Variants in MSH5 observed in about 807,000 individuals in gnomAD.
MSH5 encodes the protein mutS protein homolog 5.
In MSH5, 78 loss-of-function variants were observed where a neutral mutation model predicts 107.7. The observed-to-expected ratio is 0.72, with a 90% CI of 0.60 to 0.87. The LOEUF is 0.87. Among genes scored for constraint, MSH5 ranks in the 40% least tolerant of loss-of-function variants. MSH5 has a pLI of 0.00. For missense variants in MSH5, 889 were observed against 1,046.6 expected, an observed-to-expected ratio of 0.85 and a Z score of 2.08; for synonymous variants, 326 against 399.5, an observed-to-expected ratio of 0.82 and a Z score of 2.19.
intron 3 of MSH5, among the ~76,000 whole-genome samples, chr6:31,742,115 C>T (rs764611158): frequency 5.3e-5 from 8 of 152,180 alleles, no homozygotes; most frequent in Non-Finnish European, 8.8e-5. Context: ...AATTTCAACA[C>T]GATATTTGGC....
chr6:31,746,729 G>T (rs542614482), intron 9 of MSH5, among the ~76,000 whole-genome samples: 1 of 152,138 alleles, frequency 6.6e-6, no homozygotes, highest in East Asian at 1.9e-4. Flanking sequence ...GGGATTATAG[G>T]CATGAGCCAC....
At chr6:31,749,431 A>G (rs1428788472) in intron 10 of MSH5, among the ~76,000 whole-genome samples, 4 of 151,968 alleles carry the variant, frequency 2.6e-5, no homozygotes, top group African/African-American at 9.7e-5. Context: ...AGTACCAGCT[A>G]CTCAGGAGGC....
chr6:31,758,316 T>C lies in MSH5; in HGVS notation c.1143+23T>C. The C allele has an allele frequency of 6.2e-7, 1 of 1,610,936 alleles. No homozygotes were observed. Among genetic ancestry groups the C allele is most frequent in the Non-Finnish European group, 8.5e-7 (1 of 1,178,890 alleles). ...GTAGTGAGTAGAAGGAAAAAGGGAG[T>C]GCACCCAGGGAGGTCAGGGAGAGAG... On this transcript the variant is annotated intron_variant, in intron 13 of 24. Transcript: ENST00000375750. This position sits in a 1 kb window ranked among gnomAD's most constrained non-coding sequence, Gnocchi z 5.1.
Position 31,759,064 on chromosome 6 carries a change from G to A in MSH5, c.1327-33G>A. The A allele has an allele frequency of 6.3e-7, 1 of 1,583,594 alleles. No individual in the cohort carries two copies. The highest frequency in any genetic ancestry group is 8.7e-7 in the Non-Finnish European group (1 of 1,153,326). On this transcript the variant is annotated intron_variant, in intron 15 of 24. Coordinates refer to ENST00000375750, the MANE Select transcript of MSH5 (RefSeq NM_172166.4). The surrounding 1 kb of genome is among the most constrained non-coding windows in gnomAD (Gnocchi z 4.7). The stretch of plus-strand genomic sequence containing the variant: ...AGGTGTCCAGTAAGTCTCCAAGCAG[G>A]AGAGTAGAGTATCTCCTCTTTACTC...
rs568338655 is a variant in MSH5, at chr6:31,761,726, C to T, written c.2182-92C>T. On this transcript the variant is annotated intron_variant, in intron 22 of 24. Coordinates refer to ENST00000375750, the MANE Select transcript of MSH5 (RefSeq NM_172166.4). The surrounding 1 kb of genome is among the most constrained non-coding windows in gnomAD (Gnocchi z 5.3). ...CTCCCTCAGCACAGAGACCACATCCCTTCCCTTTTCTCCCTCCCCACAGGA... is the reference window on the plus strand; with the variant it reads ...CTCCCTCAGCACAGAGACCACATCCTTTCCCTTTTCTCCCTCCCCACAGGA... The T allele has an allele frequency of 5.6e-6, 9 of 1,612,202 alleles. No individual in the cohort carries two copies. The highest frequency in any genetic ancestry group is 7.6e-6 in the Non-Finnish European group (9 of 1,179,152).
intron 10 of MSH5, among the ~76,000 whole-genome samples, chr6:31,752,676 C>T (rs1317729697): frequency 6.8e-6 from 1 of 148,052 alleles, no homozygotes; most frequent in Non-Finnish European, 1.5e-5. Flanking sequence ...GCCGAGATCG[C>T]ATCACTGCAC....
rs1809185778 is a variant in MSH5 at position 31,744,180 on chromosome 6, C to T, written c.538-10C>T. ...GATTTACCCCGATTCCACTGCTGATCCCCTCCCAGGTTCGAGCACTTGGAG... is the reference window on the plus strand; with the variant it reads ...GATTTACCCCGATTCCACTGCTGATTCCCTCCCAGGTTCGAGCACTTGGAG... On this transcript the variant is annotated splice_polypyrimidine_tract_variant and intron_variant, in intron 6 of 24. Coordinates refer to ENST00000375750, the MANE Select transcript of MSH5 (RefSeq NM_172166.4). The T allele has an allele frequency of 6.2e-7, 1 of 1,607,734 alleles. No homozygotes were observed. The highest frequency in any genetic ancestry group is 1.7e-5 in the Admixed American group (1 of 58,916).
chr6:31,755,857 T>G (rs1361471354), intron 12 of MSH5, among the ~76,000 whole-genome samples: 1 of 152,154 alleles, frequency 6.6e-6, no homozygotes, highest in African/African-American at 2.4e-5. Context: ...TCTCTTGTTC[T>G]TTCTTTCTTT....
chr6:31,753,429 A>G lies in MSH5; in HGVS notation c.941A>G (p.Lys314Arg). 6.2e-7 allele frequency: 1 copy of G among 1,613,998 alleles called. No homozygotes were observed. Among genetic ancestry groups the G allele is most frequent in the Non-Finnish European group, 8.5e-7 (1 of 1,179,896 alleles). Residue 314 changes from lysine to arginine, a missense_variant, in exon 11 of 25, where the codon AAG becomes AGG. Transcript: ENST00000375750. ...CTGCATCGGCTCCTGGGTCACATCA[A>G]GAACGTGCCTGTGAGCCCAGGGTGG... ...QMLHRLLGHIKNVPLILKRMK... is the reference protein window; with the variant it reads ...QMLHRLLGHIRNVPLILKRMK...
chr6:31,755,315 C>A (rs1810350147), intron 12 of MSH5, among the ~76,000 whole-genome samples: 1 of 150,006 alleles, frequency 6.7e-6, no homozygotes, highest in Non-Finnish European at 1.5e-5. Flanking sequence ...TCACACCGAA[C>A]TAAGTTTTTA....
Position 31,760,664 on chromosome 6 carries a change from C to CAGGCCCT in MSH5, c.1813-25_1813-19dup, listed in dbSNP as rs1810908286. 7 of 1,612,506 alleles carry CAGGCCCT rather than the reference C, an allele frequency of 4.3e-6. No individual in the cohort carries two copies. In the Admixed American group the frequency reaches 8.3e-5, roughly 19 times the overall value. ...CACCTCAGCCCACGGCACCAGGCCC[C>CAGGCCCT]AGGCCCTGTCTCCTTCCCTATTCAG... is the stretch of plus-strand genomic sequence containing the variant. On this transcript the variant is annotated intron_variant, in intron 19 of 24. Coordinates refer to ENST00000375750, the MANE Select transcript of MSH5 (RefSeq NM_172166.4). This position sits in a 1 kb window ranked among gnomAD's most constrained non-coding sequence, Gnocchi z 5.6.
At chr6:31,756,955 A>G (rs1343407113) in intron 12 of MSH5, 1 of 150,656 alleles carries the variant, frequency 6.6e-6, no homozygotes, top group Non-Finnish European at 1.5e-5. Context: ...TTTTTCCCCA[A>G]TATGGAACGC....
In MSH5 at chr6:31,753,188, T is replaced by C. The variant is rs879153182; in HGVS notation, c.813-113T>C. The C allele has an allele frequency of 1.9e-5, 25 of 1,305,336 alleles. No individual in the cohort carries two copies. In the South Asian group the frequency reaches 3.0e-4, roughly 16 times the overall value. The allele number at this position is 1,305,336 out of a possible 1,614,324, so 80.9% of individuals were successfully genotyped here. On this transcript the variant is annotated intron_variant, in intron 10 of 24. Transcript: ENST00000375750. ...CTTGCCACTACATTCCCATAGCACATCGTGGATACATATTGCCACAATCCC... is the reference window on the plus strand; with the variant it reads ...CTTGCCACTACATTCCCATAGCACACCGTGGATACATATTGCCACAATCCC...
chr6:31,753,822 G>A (rs1810194851), intron 12 of MSH5, 193 bp downstream of exon 12: 3 of 553,484 alleles, frequency 5.4e-6, no homozygotes, highest in Non-Finnish European at 9.6e-6. Context: ...TCCGCCTCCT[G>A]GGTTCAAGCA....
chr6:31,760,260 T>C lies in MSH5; in HGVS notation c.1812+44T>C. ...GCCTGGGCCTCTGGCGTCTCCTGCA[T>C]CTACTCCACCCCTACTTGCCAGCCA... On this transcript the variant is annotated intron_variant, in intron 19 of 24. Transcript: ENST00000375750. This position sits in a 1 kb window ranked among gnomAD's most constrained non-coding sequence, Gnocchi z 5.6. The C allele has an allele frequency of 6.5e-7, 1 of 1,533,636 alleles. No individual in the cohort carries two copies. Among genetic ancestry groups the C allele is most frequent in the Non-Finnish European group, 8.7e-7 (1 of 1,143,728 alleles).
Position 31,761,163 on chromosome 6 carries a change from C to T in MSH5, c.1963-25C>T, listed in dbSNP as rs777106655. On this transcript the variant is annotated intron_variant, in intron 20 of 24. Coordinates refer to ENST00000375750, the MANE Select transcript of MSH5 (RefSeq NM_172166.4). The surrounding 1 kb of genome is among the most constrained non-coding windows in gnomAD (Gnocchi z 5.3). ...GTTACGGGCTTCCAATACTAACTTT[C>T]CCTTGTCCACCTTATACCCAGCAGG... The T allele has an allele frequency of 2.5e-6, 4 of 1,610,588 alleles. No homozygotes were observed. Among genetic ancestry groups the T allele is most frequent in the Non-Finnish European group, 2.5e-6 (3 of 1,178,210 alleles).
chr6:31,758,621 GT>G lies in MSH5; in HGVS notation c.1216+2del. 1 of 1,614,036 alleles carries G rather than the reference GT, an allele frequency of 6.2e-7. No individual in the cohort carries two copies. The highest frequency in any genetic ancestry group is 8.5e-7 in the Non-Finnish European group (1 of 1,179,998). The stretch of plus-strand genomic sequence containing the variant: ...AACATAGATCCTGAAATTGATGAGA[GT>G]GAGTGTTGGGTGTGGATGGGCCTGT... On this transcript the variant is annotated splice_donor_variant, in intron 14 of 24. Coordinates refer to ENST00000375750, the MANE Select transcript of MSH5 (RefSeq NM_172166.4). LOFTEE classifies it high-confidence loss of function. The surrounding 1 kb of genome is among the most constrained non-coding windows in gnomAD (Gnocchi z 5.1).
intron 10 of MSH5, among the ~76,000 whole-genome samples, chr6:31,752,534 A>G (rs770016486): frequency 9.9e-5 from 15 of 152,146 alleles, no homozygotes; most frequent in Admixed American, 3.3e-4. Flanking sequence ...ATTCTGGCCA[A>G]CATAGTGAAA....
At chr6:31,762,232 G>A in intron 24 of MSH5, 47 bp downstream of exon 24, 1 of 1,591,390 alleles carries the variant, frequency 6.3e-7, no homozygotes, top group African/African-American at 1.3e-5. Context: ...ATCTTCTCCT[G>A]CAACTCTTCT....
Sources: allele counts gnomAD v4.1 joint callset (sites outside exome capture counted in the v4.1 genomes callset), GRCh38; gene constraint gnomAD v4.1.1; non-coding constraint Gnocchi (gnomAD v3.1); transcripts MANE v1.5; gene names NCBI Gene and HGNC (gene_info 2026-07-23, HGNC 2026-07-21).